Variants in AKAP10 observed in about 807,000 individuals in gnomAD.
AKAP10 encodes the protein A-kinase anchoring protein 10.
A neutral mutation model predicts 80.8 loss-of-function variants in AKAP10; 24 were observed. That is an observed-to-expected ratio of 0.30 (90% CI 0.22 to 0.42). The LOEUF is 0.42. Ranked by LOEUF, AKAP10 falls within the 10% of genes least tolerant of loss-of-function variation. The pLI is 1.00. For missense variants in AKAP10, 661 were observed against 794.9 expected (o/e 0.83, Z 2.03); for synonymous variants, 291 against 277.7 (o/e 1.05, Z -0.48).
At chr17:19,966,507 T>G (rs1025763934) in intron 2 of AKAP10, among the ~76,000 whole-genome samples, 3 of 152,246 alleles carry the variant, frequency 2.0e-5, no homozygotes, top group Non-Finnish European at 2.9e-5. Flanking sequence ...TTTGGTCTAT[T>G]TGCTACTGTT....
chr17:19,917,519 A>G (rs2042758686), intron 12 of AKAP10, among the ~76,000 whole-genome samples: 2 of 152,170 alleles, frequency 1.3e-5, no homozygotes, highest in South Asian at 4.1e-4. Flanking sequence ...ACCTAGGTGG[A>G]AGTGCAATGG....
intron 10 of AKAP10, 99 bp downstream of exon 10, chr17:19,931,706 C>T (rs555378996): frequency 1.1e-4 from 159 of 1,385,174 alleles, no homozygotes; most frequent in Non-Finnish European, 1.4e-4. Flanking sequence ...CTTTTTTTTC[C>T]ACAACTTAAA....
chr17:19,920,176 AAAAC>A (rs1567753589), intron 11 of AKAP10, 58 bp from the exon 12 acceptor site: 46 of 1,306,328 alleles, frequency 3.5e-5, no homozygotes, highest in Non-Finnish European at 4.9e-5. Flanking sequence ...AATTTAGGAG[AAAAC>A]AATCAATTTA....
chr17:19,958,003 C>A lies in AKAP10; in HGVS notation c.877+11G>T, dbSNP rs1254103993. On this transcript the variant is annotated intron_variant, in intron 4 of 14. Coordinates refer to ENST00000225737, the MANE Select transcript of AKAP10 (RefSeq NM_007202.4). ...GACACATATGTACACACAAGAAAAT[C>A]ACATACTCACTTTTCATTAGTTTTC... is the stretch of plus-strand genomic sequence containing the variant. 8 of 1,599,228 alleles carry A rather than the reference C, an allele frequency of 5.0e-6. No homozygotes were observed. Among genetic ancestry groups the A allele is most frequent in the Non-Finnish European group, 6.8e-6 (8 of 1,171,902 alleles).
At chr17:19,935,486 C>T (rs924128330) in intron 9 of AKAP10, among the ~76,000 whole-genome samples, 13 of 151,992 alleles carry the variant, frequency 8.6e-5, no homozygotes, top group Admixed American at 7.2e-4. Context: ...CTTACTGTAA[C>T]TTTTTAACTG....
At chr17:19,939,571 C>T in intron 8 of AKAP10, 142 bp downstream of exon 8, 1 of 925,106 alleles carries the variant, frequency 1.1e-6, no homozygotes, top group Non-Finnish European at 1.6e-6. Flanking sequence ...CAAAGCTTTA[C>T]AAACACCATA....
chr17:19,937,811 CCT>C (rs920318788), intron 8 of AKAP10, among the ~76,000 whole-genome samples: 26 of 152,098 alleles, frequency 1.7e-4, no homozygotes, highest in African/African-American at 6.3e-4. Context: ...AAAATCATTA[CCT>C]CTCTGGGCCT....
At chr17:19,953,178 A>T (rs557809006) in intron 4 of AKAP10, among the ~76,000 whole-genome samples, 6 of 152,268 alleles carry the variant, frequency 3.9e-5, no homozygotes, top group Admixed American at 3.9e-4. Context: ...TGGTAAAAGA[A>T]TAAGATTCAA....
chr17:19,924,666 A>T (rs751696835), intron 10 of AKAP10, 149 bp from the exon 11 acceptor site: 2 of 472,538 alleles, frequency 4.2e-6, no homozygotes, highest in Non-Finnish European at 7.6e-6. Flanking sequence ...AACAACAATG[A>T]CTCTGAAATG....
intron 10 of AKAP10, among the ~76,000 whole-genome samples, chr17:19,927,005 C>G (rs2042881658): frequency 6.6e-6 from 1 of 152,112 alleles, no homozygotes; most frequent in Non-Finnish European, 1.5e-5. Flanking sequence ...TGCCTGTAAT[C>G]CCAGCTACTC....
chr17:19,933,331 T>C (rs919267711), intron 9 of AKAP10, among the ~76,000 whole-genome samples: 2 of 152,192 alleles, frequency 1.3e-5, no homozygotes, highest in Non-Finnish European at 2.9e-5. Flanking sequence ...TATGTACCTT[T>C]TTTGTAGACT....
intron 11 of AKAP10, among the ~76,000 whole-genome samples, chr17:19,922,938 T>C (rs974071030): frequency 2.0e-5 from 3 of 152,280 alleles, no homozygotes; most frequent in Middle Eastern, 3.4e-3. Context: ...ATATTTACAT[T>C]ATACATACAC....
intron 1 of AKAP10, among the ~76,000 whole-genome samples, chr17:19,977,136 C>A (rs949555906): frequency 6.6e-6 from 1 of 152,022 alleles, no homozygotes. Context: ...ACCCCTCCCC[C>A]CAAAGAGGAA....
intron 2 of AKAP10, 90 bp downstream of exon 2, chr17:19,968,324 C>T: frequency 1.0e-6 from 1 of 988,938 alleles, no homozygotes; most frequent in African/African-American, 1.6e-5. Flanking sequence ...ATGATTAATG[C>T]CAAAAGAGAG....
chr17:19,967,686 T>G (rs895766150), intron 2 of AKAP10, among the ~76,000 whole-genome samples: 2 of 151,762 alleles, frequency 1.3e-5, no homozygotes, highest in African/African-American at 4.8e-5. Flanking sequence ...AGTTTGAGAC[T>G]GGCCTGGCCA....
At chr17:19,975,827 G>C (rs2043558413) in intron 1 of AKAP10, among the ~76,000 whole-genome samples, 1 of 152,054 alleles carries the variant, frequency 6.6e-6, no homozygotes, top group Non-Finnish European at 1.5e-5. Flanking sequence ...GCAATATGCA[G>C]TTTGCCTCAT....
At chr17:19,906,600 T>C (rs771628045) in intron 14 of AKAP10, among the ~76,000 whole-genome samples, 2 of 152,218 alleles carry the variant, frequency 1.3e-5, no homozygotes, top group Non-Finnish European at 2.9e-5. Flanking sequence ...AAGACACACA[T>C]GCAGACATTC....
intron 2 of AKAP10, among the ~76,000 whole-genome samples, chr17:19,963,311 G>T (rs769046785): frequency 6.8e-6 from 1 of 146,252 alleles, no homozygotes; most frequent in Non-Finnish European, 1.5e-5. Context: ...TGCCTCCCAT[G>T]TTCAAGTGAT....
intron 12 of AKAP10, 21 bp from the exon 13 acceptor site, chr17:19,909,999 TG>T: frequency 6.2e-7 from 1 of 1,610,240 alleles, no homozygotes; most frequent in Non-Finnish European, 8.5e-7. Context: ...AAGACAAAAT[TG>T]AATGTACATT....
Sources: allele counts gnomAD v4.1 joint callset (sites outside exome capture counted in the v4.1 genomes callset), GRCh38; gene constraint gnomAD v4.1.1; transcripts MANE v1.5; gene names NCBI Gene and HGNC (gene_info 2026-07-23, HGNC 2026-07-21).